CEP83: variants seen among roughly 807,000 people sequenced by gnomAD.
CEP83 encodes centrosomal protein 83, also known as centrosomal protein of 83 kDa.
In CEP83, 70 loss-of-function variants were observed where a neutral mutation model predicts 101.9. That is an observed-to-expected ratio of 0.69 (90% CI 0.57 to 0.84). The LOEUF is 0.84. CEP83 is among the 40% of genes least tolerant of loss of function. CEP83 has a pLI of 0.00. For missense variants in CEP83, 715 were observed against 787.2 expected (o/e 0.91, Z 1.10); for synonymous variants, 264 against 267.9 (o/e 0.99, Z 0.14).
rs772608466 is a variant in CEP83 at position 94,411,477 on chromosome 12, T to C, written c.324+220A>G. Among the ~76,000 whole-genome samples the C allele has an allele frequency of 1.8e-3, 281 of 152,290 alleles. 3 individuals are homozygous for C. Among genetic ancestry groups the C allele is most frequent in the Non-Finnish European group, 1.5e-3 (102 of 67,996 alleles). ...ATATTATTTATATCAGAATAGGCAA[T>C]ATAATACCAATTTACATAAAATAAC... On this transcript the variant is annotated intron_variant, in intron 4 of 16. Transcript: ENST00000397809.
At chr12:94,436,289 G>C (rs548089476) in intron 1 of CEP83, among the ~76,000 whole-genome samples, 50 of 151,490 alleles carry the variant, frequency 3.3e-4, no homozygotes, top group Admixed American at 2.0e-3. Context: ...CTACTCAAGG[G>C]GGCACTAGAG....
At chr12:94,340,488 G>C (rs2059633359) in intron 11 of CEP83, among the ~76,000 whole-genome samples, 1 of 151,290 alleles carries the variant, frequency 6.6e-6, no homozygotes. Flanking sequence ...CCAGGCTGGA[G>C]TGCAGTGGCA....
chr12:94,278,251 T>C, the CEP83 span: 1 of 351,146 alleles, frequency 2.8e-6, no homozygotes, highest in Admixed American at 4.0e-5. Flanking sequence ...TACCCAAGCC[T>C]TTCTGACTTT....
At chr12:94,350,331 C>T (rs982384678) in intron 11 of CEP83, among the ~76,000 whole-genome samples, 13 of 151,984 alleles carry the variant, frequency 8.6e-5, no homozygotes, top group Non-Finnish European at 1.6e-4. Flanking sequence ...GTAAATAAAC[C>T]CTCCCATATA....
chr12:94,330,969 G>A (rs2136472866), intron 14 of CEP83, among the ~76,000 whole-genome samples: 1 of 152,216 alleles, frequency 6.6e-6, no homozygotes, highest in East Asian at 1.9e-4. Context: ...TAAAATCTCA[G>A]ATTCAACTAT....
chr12:94,332,446 A>G (rs2059264276), intron 13 of CEP83, among the ~76,000 whole-genome samples: 1 of 152,212 alleles, frequency 6.6e-6, no homozygotes, highest in Non-Finnish European at 1.5e-5. Flanking sequence ...GCCTAAGGTC[A>G]TACAAGATTT....
At chr12:94,340,845 A>T (rs1357099973) in intron 11 of CEP83, among the ~76,000 whole-genome samples, 1 of 152,234 alleles carries the variant, frequency 6.6e-6, no homozygotes, top group East Asian at 1.9e-4. Context: ...AACGAGAGAG[A>T]TAATAAGAGA....
chr12:94,433,803 A>G (rs894904300), intron 2 of CEP83, among the ~76,000 whole-genome samples: 3 of 152,212 alleles, frequency 2.0e-5, no homozygotes, highest in Admixed American at 6.5e-5. Flanking sequence ...TAAAAGGCCT[A>G]TCAGGAAACC....
chr12:94,328,236 G>C (rs1020536342), intron 14 of CEP83: 2 of 318,634 alleles, frequency 6.3e-6, no homozygotes, highest in Non-Finnish European at 1.3e-5. Context: ...CTCTTCAATG[G>C]GGGTGGGGGG....
intron 2 of CEP83, among the ~76,000 whole-genome samples, chr12:94,431,760 T>C (rs1049337514): frequency 6.6e-6 from 1 of 152,148 alleles, no homozygotes; most frequent in Admixed American, 6.5e-5. Flanking sequence ...CCAATTAGAA[T>C]GGCTACTATA....
At chr12:94,418,389 CA>C (rs2064455697) in intron 2 of CEP83, among the ~76,000 whole-genome samples, 1 of 151,618 alleles carries the variant, frequency 6.6e-6, no homozygotes, top group South Asian at 2.1e-4. Flanking sequence ...ATACAATGAC[CA>C]AAATAAAAAT....
Position 94,400,861 on chromosome 12 carries a change from A to G in CEP83, c.538T>C (p.Tyr180His). 6.8e-7 allele frequency: 1 copy of G among 1,474,134 alleles called. No individual in the cohort carries two copies. Among genetic ancestry groups the G allele is most frequent in the Non-Finnish European group, 9.0e-7 (1 of 1,109,196 alleles). 91.3% of individuals were successfully genotyped at this position (1,474,134 alleles called of 1,614,324 possible). The part of the protein sequence containing the change: ...ARILDEGKIK[Y>H]ESEIARLEED... Reference sequence around the variant, plus strand: ...AATCAATCACTTACCTCTGATTCATATTTTATTTTTCCTTCATCTAAAATA... The same window carrying G: ...AATCAATCACTTACCTCTGATTCATGTTTTATTTTTCCTTCATCTAAAATA... Residue 180 changes from tyrosine (Y) to histidine (H), a missense_variant, in exon 6 of 17, where the codon TAT (tyrosine) becomes CAT (histidine). Physicochemically the swap from Tyr to His is moderately conservative, Grantham distance 83. Coordinates refer to ENST00000397809, the MANE Select transcript of CEP83 (RefSeq NM_016122.3).
the CEP83 span, among the ~76,000 whole-genome samples, chr12:94,299,906 T>G: frequency 4.1e-4 from 63 of 152,066 alleles, 1 homozygote; most frequent in Non-Finnish European, 3.4e-4. Context: ...ACATCAAGAC[T>G]GGGAGCTGAG....
At chr12:94,287,745 T>A in the CEP83 span, among the ~76,000 whole-genome samples, 3,593 of 152,306 alleles carry the variant, frequency 0.024, 53 homozygotes, top group East Asian at 0.071. Flanking sequence ...GTCAAGTCCA[T>A]CATCTGTGAC....
chr12:94,304,228 C>G (rs1314421447), downstream of CEP83: 2 of 515,130 alleles, frequency 3.9e-6, no homozygotes, highest in Non-Finnish European at 7.0e-6. Flanking sequence ...TGGCTGCCCC[C>G]CTTACAGTTT....
chr12:94,377,874 A>G (rs2061633212), intron 7 of CEP83, among the ~76,000 whole-genome samples: 1 of 152,236 alleles, frequency 6.6e-6, no homozygotes, highest in Non-Finnish European at 1.5e-5. Flanking sequence ...TTTAAGGTAC[A>G]ATGATACTGA....
rs1297901889 is a variant in CEP83, at chr12:94,307,916, C to CACTT, written c.*893_*896dup. On this transcript the variant is annotated 3_prime_UTR_variant, in exon 17 of 17. Coordinates refer to ENST00000397809, the MANE Select transcript of CEP83 (RefSeq NM_016122.3). ...GAACACCTTGGGATAATGAACATTC[C>CACTT]ACTTAATTTGGGAGACTTGAGCTTT... is the stretch of plus-strand genomic sequence containing the variant. 2 of 152,078 alleles carry CACTT rather than the reference C, an allele frequency of 1.3e-5. No individual in the cohort carries two copies. Among genetic ancestry groups the CACTT allele is most frequent in the Non-Finnish European group, 2.9e-5 (2 of 68,008 alleles). The allele number at this position is 152,078 out of a possible 1,614,324, so 9.4% of individuals were successfully genotyped here. A position where few individuals can be genotyped will look rare whatever the true frequency, so the allele number is the denominator to read the frequency against.
chr12:94,324,343 T>C (rs1286742259), intron 14 of CEP83, among the ~76,000 whole-genome samples: 1 of 152,226 alleles, frequency 6.6e-6, no homozygotes, highest in Non-Finnish European at 1.5e-5. Flanking sequence ...ATTCTTCTTG[T>C]ATTAGGTTTA....
chr12:94,368,030 G>A, intron 10 of CEP83, 27 bp downstream of exon 10: 3 of 1,607,668 alleles, frequency 1.9e-6, no homozygotes, highest in Non-Finnish European at 2.6e-6. Context: ...GGATATTTAA[G>A]TCAAACTAAG....
Sources: gnomAD v4.1 joint callset for allele counts (sites outside exome capture counted in the v4.1 genomes callset) on GRCh38, gnomAD v4.1.1 for gene constraint, MANE v1.5 for transcripts, NCBI Gene and HGNC (gene_info 2026-07-23, HGNC 2026-07-21) for gene names.